The following PRRC2A variants were observed in gnomAD, a reference collection of about 807,000 sequenced individuals.
The protein encoded by PRRC2A is proline rich coiled-coil 2A, also known as protein PRRC2A.
PRRC2A carries 59 observed loss-of-function variants against 224.6 expected under a neutral mutation model. The ratio of observed to expected loss-of-function variants is 0.26; its 90% CI spans 0.21 to 0.33. The LOEUF (loss-of-function observed/expected upper bound fraction) is 0.33. Among genes scored for constraint, PRRC2A ranks in the 10% least tolerant of loss-of-function variants. PRRC2A has a pLI of 1.00. For synonymous variants in PRRC2A, 1,194 were observed against 1,109.5 expected, an observed-to-expected ratio of 1.08 and a Z score of -1.51; for missense variants, 3,095 against 2,880.7, an observed-to-expected ratio of 1.07 and a Z score of -1.70.
In PRRC2A at chr6:31,622,719, G is replaced by A. The variant is rs1775431154; in HGVS notation, c.-71G>A. On this transcript the variant is annotated 5_prime_UTR_variant, in exon 2 of 31. Transcript: ENST00000376033. ...CAGAGACTGAGACACTTGCTGTCTG[G>A]CCCACAGGCTCTGGCACGTTTTGGG... is the stretch of plus-strand genomic sequence containing the variant. 1.8e-6 allele frequency: 2 copies of A among 1,119,246 alleles called. No individual in the cohort carries two copies. The highest frequency in any genetic ancestry group is 1.3e-6 in the Non-Finnish European group (1 of 741,294). 69.3% of individuals were successfully genotyped at this position (1,119,246 alleles called of 1,614,324 possible).
Position 31,627,893 on chromosome 6 carries a change from A to G in PRRC2A, c.1419A>G (p.Glu473=), listed in dbSNP as rs761961801. ...AGCGGGCCCGGCGACGGCGAGAAGA[A>G]GAGGAGCGGCGCATGCAAGAAGAGC... ...AVERARRRRE[E]EERRMQEERR... The change falls in exon 12 of 31, where the codon GAA becomes GAG. Residue 473 remains glutamate, a synonymous_variant. Transcript: ENST00000376033. The surrounding 1 kb of genome is among the most constrained non-coding windows in gnomAD (Gnocchi z 5.6). The G allele has an allele frequency of 1.4e-5, 22 of 1,613,038 alleles. No individual in the cohort carries two copies. Among genetic ancestry groups the G allele is most frequent in the East Asian group, 1.3e-4 (6 of 44,894 alleles).
At chr6:31,629,455 G>A (rs1033128625) in intron 13 of PRRC2A, 93 bp from the exon 14 acceptor site, 11 of 1,433,560 alleles carry the variant, frequency 7.7e-6, no homozygotes, top group African/African-American at 2.8e-5. Context: ...CCATTGTCAC[G>A]CCAATTTCCC....
chr6:31,631,889 A>C lies in PRRC2A; in HGVS notation c.3216A>C (p.Gly1072=), dbSNP rs1481646813. Residue 1072 remains glycine (G), a synonymous_variant, in exon 16 of 31, where the codon GGA becomes GGC. Transcript: ENST00000376033. The surrounding 1 kb of genome is among the most constrained non-coding windows in gnomAD (Gnocchi z 4.5). ...ATGGGCGTGGAGGTGGGACAGGGGG[A>C]CCAAACCACCCTCCTGCTCCCCGAG... is the stretch of plus-strand genomic sequence containing the variant. ...GDDGRGGGTG[G]PNHPPAPRGR... The C allele has an allele frequency of 7.4e-6, 12 of 1,610,886 alleles. No individual in the cohort carries two copies. Among genetic ancestry groups the C allele is most frequent in the Non-Finnish European group, 8.5e-6 (10 of 1,179,222 alleles).
rs1463044127 is a variant in PRRC2A at position 31,628,048 on chromosome 6, C to T, written c.1574C>T (p.Pro525Leu). 4.3e-6 allele frequency: 7 copies of T among 1,612,802 alleles called. No homozygotes were observed. The highest frequency in any genetic ancestry group is 5.9e-6 in the Non-Finnish European group (7 of 1,179,832). ...PSTPAPPPAV[P>L]KELPAPPAPP... ...ACCCCAGCTCCACCACCTGCAGTCC[C>T]TAAAGAACTCCCTGCACCTCCAGCT... is the stretch of plus-strand genomic sequence containing the variant. Residue 525 changes from proline to leucine, a missense_variant, in exon 12 of 31, where the codon CCT (proline) becomes CTT (leucine). Transcript: ENST00000376033.
At chr6:31,621,451 C>T (rs767024413) in intron 1 of PRRC2A, among the ~76,000 whole-genome samples, 1 of 151,966 alleles carries the variant, frequency 6.6e-6, no homozygotes, top group African/African-American at 2.4e-5. Flanking sequence ...CGTTTTTCTT[C>T]TTGGGCCTCT....
Position 31,632,521 on chromosome 6 carries a change from C to T in PRRC2A, c.3848C>T (p.Ala1283Val). Reference protein sequence around the residue: ...GKPSLTLPASAPGPEEALTTV... With the variant: ...GKPSLTLPASVPGPEEALTTV... ...CCCTCCCTAACCCTTCCAGCCTCCG[C>T]TCCTGGACCTGAGGAGGCCCTCACA... The change falls in exon 16 of 31, where the codon GCT becomes GTT. Residue 1283 changes from alanine to valine, a missense_variant. Coordinates refer to ENST00000376033, the MANE Select transcript of PRRC2A (RefSeq NM_004638.4). 1 of 1,609,548 alleles carries T rather than the reference C, an allele frequency of 6.2e-7. No individual in the cohort carries two copies. Among genetic ancestry groups the T allele is most frequent in the Non-Finnish European group, 8.5e-7 (1 of 1,177,706 alleles).
chr6:31,629,827 C>T lies in PRRC2A; in HGVS notation c.2236C>T (p.Pro746Ser), dbSNP rs1434669351. The T allele has an allele frequency of 3.1e-6, 5 of 1,613,904 alleles. No individual in the cohort carries two copies. Among genetic ancestry groups the T allele is most frequent in the Non-Finnish European group, 4.2e-6 (5 of 1,179,940 alleles). The change falls in exon 14 of 31, where the codon CCT becomes TCT. Residue 746 changes from proline (P) to serine (S), a missense_variant. Pro to Ser is a moderately conservative substitution (Grantham distance 74). Transcript: ENST00000376033. ...TCGTCCCCCTCTAGACTTCTACCCTCCTGGTGTGCATCCCTCTGGTAAGGG... is the reference window on the plus strand; with the variant it reads ...TCGTCCCCCTCTAGACTTCTACCCTTCTGGTGTGCATCCCTCTGGTAAGGG... ...QGRPPLDFYPPGVHPSGLVPR... is the reference protein window; with the variant it reads ...QGRPPLDFYPSGVHPSGLVPR...
rs759107778 is a variant in PRRC2A at position 31,637,467 on chromosome 6, C to T, written c.6355C>T (p.Arg2119Cys). The change falls in exon 31 of 31, where the codon CGC (arginine) becomes TGC (cysteine). Residue 2119 changes from arginine (R) to cysteine (C), a missense_variant. By Grantham distance (180) the Arg-to-Cys change is radical (BLOSUM62 -3). Transcript: ENST00000376033. ...YQQASPPDAL[R>C]WIPKPWERTG... ...CTAGGCCTCCCCACCAGATGCCCTG[C>T]GCTGGATACCTAAGCCTTGGGAGCG... The T allele has an allele frequency of 1.5e-5, 23 of 1,575,050 alleles. No individual in the cohort carries two copies. Among genetic ancestry groups the T allele is most frequent in the East Asian group, 4.5e-5 (2 of 44,428 alleles).
Position 31,635,421 on chromosome 6 carries a change from G to A in PRRC2A, c.5329G>A (p.Asp1777Asn). The change falls in exon 23 of 31, where the codon GAC (aspartate) becomes AAC (asparagine). Residue 1777 changes from aspartate to asparagine, a missense_variant. Asp to Asn is a conservative substitution (Grantham distance 23, BLOSUM62 1). Around this residue, in one of 8 missense-constraint regions of PRRC2A, gnomAD observed 662 missense variants for 609.5 expected, o/e 1.09. Transcript: ENST00000376033. ...CTCAGACTTACGCCTAGTGGTAGGA[G>A]ACAGCTTGAAAGCAGAGAAGGAGCT... ...KDSDLRLVVG[D>N]SLKAEKELTA... 6.2e-7 allele frequency: 1 copy of A among 1,614,252 alleles called. No homozygotes were observed. Among genetic ancestry groups the A allele is most frequent in the Non-Finnish European group, 8.5e-7 (1 of 1,180,050 alleles).
Position 31,636,640 on chromosome 6 carries a change from T to G in PRRC2A, c.5934+32T>G, listed in dbSNP as rs1224854096. Reference sequence around the variant, plus strand: ...TGTATCTTCACACTTCCCCTTCATTTGATTTCTCTGTCCAGTTGCTGGCTT... The same window carrying G: ...TGTATCTTCACACTTCCCCTTCATTGGATTTCTCTGTCCAGTTGCTGGCTT... On this transcript the variant is annotated intron_variant, in intron 27 of 30. Transcript: ENST00000376033. The surrounding 1 kb of genome is among the most constrained non-coding windows in gnomAD (Gnocchi z 4.3). 6.3e-7 allele frequency: 1 copy of G among 1,588,754 alleles called. No homozygotes were observed. The highest frequency in any genetic ancestry group is 1.1e-5 in the South Asian group (1 of 88,554).
rs952005085 is a variant in PRRC2A, at chr6:31,627,555, G to C, written c.1291-210G>C. ...GCAGGCTGAAGCAGAAGGATCACTT[G>C]AGCCCAAGTTCAAGACCAGCCTGGG... is the stretch of plus-strand genomic sequence containing the variant. On this transcript the variant is annotated intron_variant, in intron 11 of 30. Transcript: ENST00000376033. This position sits in a 1 kb window ranked among gnomAD's most constrained non-coding sequence, Gnocchi z 5.6. Among the ~76,000 whole-genome samples the C allele has an allele frequency of 2.0e-5, 3 of 152,144 alleles. No homozygotes were observed. The highest frequency in any genetic ancestry group is 4.8e-5 in the African/African-American group (2 of 41,430).
chr6:31,626,378 C>T (rs957181688), intron 9 of PRRC2A, among the ~76,000 whole-genome samples: 107 of 151,258 alleles, frequency 7.1e-4, no homozygotes, highest in Non-Finnish European at 1.4e-3. Flanking sequence ...CACAGCAAGA[C>T]CCCCCACCTC....
At position 31,635,721 on chromosome 6, in the gene PRRC2A, A is replaced by G. The variant is rs377389196; in HGVS notation, c.5513A>G (p.Tyr1838Cys). Residue 1838 changes from tyrosine (Y) to cysteine (C), a missense_variant, in exon 24 of 31, where the codon TAT becomes TGT. This residue lies in a region of PRRC2A where 662 missense variants were observed against 609.5 expected (regional missense o/e 1.09). Transcript: ENST00000376033. Reference protein sequence around the residue: ...SGQRLYPEVFYGSAGPSSSQI... With the variant: ...SGQRLYPEVFCGSAGPSSSQI... ...CAGCGCCTGTATCCTGAGGTTTTCT[A>G]TGGCAGTGCTGGGCCTTCCAGTTCT... 971 of 1,605,382 alleles carry G rather than the reference A, an allele frequency of 6.0e-4. 11 individuals are homozygous for G. The South Asian group carries it at 8.8e-3, about 15-fold the overall frequency.
rs766570967 is a variant in PRRC2A, at chr6:31,631,306, C to T, written c.2633C>T (p.Thr878Ile). 23 of 1,609,672 alleles carry T rather than the reference C, an allele frequency of 1.4e-5. No homozygotes were observed. Among genetic ancestry groups the T allele is most frequent in the African/African-American group, 9.4e-5 (7 of 74,670 alleles). ...PGSDEVAKIQ[T>I]PPPKKEPPKE... ...AGTGATGAAGTGGCCAAGATACAAA[C>T]TCCACCACCCAAGAAGGAGCCCCCT... Residue 878 changes from threonine to isoleucine, a missense_variant, in exon 16 of 31, where the codon ACT (threonine) becomes ATT (isoleucine). Thr to Ile is a moderately conservative substitution (Grantham distance 89). Coordinates refer to ENST00000376033, the MANE Select transcript of PRRC2A (RefSeq NM_004638.4). This position sits in a 1 kb window ranked among gnomAD's most constrained non-coding sequence, Gnocchi z 4.5.
At chr6:31,629,968 A>G in intron 14 of PRRC2A, 123 bp downstream of exon 14, 2 of 1,471,814 alleles carry the variant, frequency 1.4e-6, no homozygotes, top group Non-Finnish European at 1.8e-6. Flanking sequence ...AGGGAAGGGC[A>G]TATGCTTGGC....
Position 31,625,749 on chromosome 6 carries a change from T to C in PRRC2A, c.760-43T>C, listed in dbSNP as rs1221047077. 1.9e-6 allele frequency: 3 copies of C among 1,556,044 alleles called. No individual in the cohort carries two copies. The highest frequency in any genetic ancestry group is 2.7e-6 in the Non-Finnish European group (3 of 1,127,366). On this transcript the variant is annotated intron_variant, in intron 7 of 30. Transcript: ENST00000376033. The surrounding 1 kb of genome is among the most constrained non-coding windows in gnomAD (Gnocchi z 4.1). ...GCAGGCTTAAGGAGCTAGAAGGGTA[T>C]ATGACTGTCCCTCTGAGCAGCTACT...
chr6:31,635,287 G>A lies in PRRC2A; in HGVS notation c.5301+15G>A, dbSNP rs781384595. Reference sequence around the variant, plus strand: ...CTAGTGACAAGGTCTGTGTGGGCTGGATCTGGGTATCCTGAGTTGGGTGGA... The same window carrying A: ...CTAGTGACAAGGTCTGTGTGGGCTGAATCTGGGTATCCTGAGTTGGGTGGA... On this transcript the variant is annotated intron_variant, in intron 22 of 30. Transcript: ENST00000376033. The A allele has an allele frequency of 2.5e-6, 4 of 1,613,942 alleles. No homozygotes were observed. The highest frequency in any genetic ancestry group is 3.4e-6 in the Non-Finnish European group (4 of 1,179,904).
chr6:31,635,865 A>C, intron 24 of PRRC2A, 102 bp from the exon 25 acceptor site: 1 of 1,448,672 alleles, frequency 6.9e-7, no homozygotes, highest in Non-Finnish European at 9.3e-7. Context: ...CCACTTTGTC[A>C]CATCATTTTT....
chr6:31,633,016 T>A (rs996843622), intron 16 of PRRC2A, 24 bp downstream of exon 16: 1 of 1,493,376 alleles, frequency 6.7e-7, no homozygotes, highest in Non-Finnish European at 8.9e-7. Context: ...AACAAATTTA[T>A]TGTGGTTTAA....
Sources: gnomAD v4.1 joint callset for allele counts (sites outside exome capture counted in the v4.1 genomes callset) on GRCh38, gnomAD v4.1.1 for gene constraint, gnomAD v4.1.1 regional missense constraint, Gnocchi (gnomAD v3.1) non-coding constraint, MANE v1.5 for transcripts, NCBI Gene and HGNC (gene_info 2026-07-23, HGNC 2026-07-21) for gene names.